Variants in CTNNA2 observed in about 807,000 individuals in gnomAD.
CTNNA2 encodes the protein catenin alpha-2.
Under a neutral mutation model 101.0 loss-of-function variants are expected in CTNNA2, and 42 were observed. That is an observed-to-expected ratio of 0.42 (90% CI 0.32 to 0.54). The LOEUF (loss-of-function observed/expected upper bound fraction) is 0.54. CTNNA2 is among the 20% of genes least tolerant of loss of function. CTNNA2 has a pLI of 0.14. For missense variants in CTNNA2, 871 were observed against 1,223.1 expected (o/e 0.71, Z 4.29); for synonymous variants, 450 against 456.4 (o/e 0.99, Z 0.18).
chr2:79,431,468 T>C (rs1678658479), intron 4 of CTNNA2, among the ~76,000 whole-genome samples: 1 of 152,112 alleles, frequency 6.6e-6, no homozygotes, highest in Admixed American at 6.6e-5. Flanking sequence ...CACTTTTGAA[T>C]ACAAAATTGC....
chr2:79,318,135 T>C (rs1676539181), intron 3 of CTNNA2, among the ~76,000 whole-genome samples: 1 of 152,118 alleles, frequency 6.6e-6, no homozygotes, highest in South Asian at 2.1e-4. Flanking sequence ...ATATAAATAC[T>C]TCGATTGTAT....
intron 7 of CTNNA2, among the ~76,000 whole-genome samples, chr2:79,962,341 G>A (rs1290278703): frequency 6.6e-6 from 1 of 152,230 alleles, no homozygotes; most frequent in Non-Finnish European, 1.5e-5. Flanking sequence ...GCCTCTTTTA[G>A]GAGGGCATCT....
In CTNNA2 at chr2:79,927,816, T is replaced by G. The variant is rs553943413; in HGVS notation, c.1056+18019T>G. Among the ~76,000 whole-genome samples, 12 of 152,270 alleles carry G rather than the reference T, an allele frequency of 7.9e-5. No homozygotes were observed. In the South Asian group the frequency reaches 2.5e-3, roughly 32 times the overall value. ...ATCATTATGCTATCAAAACTCATAG[T>G]ATGAAGCATGTTGCAGTTCTGCTGA... On this transcript the variant is annotated intron_variant, in intron 7 of 18. Coordinates refer to ENST00000402739, the MANE Select transcript of CTNNA2 (RefSeq NM_001282597.3).
At chr2:80,216,497 C>G (rs190494211) in intron 7 of CTNNA2, among the ~76,000 whole-genome samples, 5 of 152,248 alleles carry the variant, frequency 3.3e-5, no homozygotes, top group Admixed American at 6.5e-5. Context: ...GAGGTGACGC[C>G]TTTGGGAGTT....
At chr2:80,432,156 A>G (rs1405552405) in intron 9 of CTNNA2, among the ~76,000 whole-genome samples, 1 of 152,132 alleles carries the variant, frequency 6.6e-6, no homozygotes, top group African/African-American at 2.4e-5. Context: ...CTTACAGTAC[A>G]CCAGGCCCTT....
At chr2:80,301,404 A>G (rs762252779) in intron 7 of CTNNA2, among the ~76,000 whole-genome samples, 12 of 152,244 alleles carry the variant, frequency 7.9e-5, no homozygotes, top group African/African-American at 1.2e-4. Flanking sequence ...TCAAAGACTC[A>G]GGAGAATTAA....
intron 3 of CTNNA2, among the ~76,000 whole-genome samples, chr2:79,811,666 C>G (rs1467442345): frequency 6.6e-6 from 1 of 152,038 alleles, no homozygotes; most frequent in Non-Finnish European, 1.5e-5. Context: ...TGCCTTCTAA[C>G]TTTGTTCTTT....
chr2:80,448,038 C>A (rs1683210179), intron 9 of CTNNA2, among the ~76,000 whole-genome samples: 2 of 152,232 alleles, frequency 1.3e-5, no homozygotes, highest in Admixed American at 1.3e-4. Context: ...AAATCAGAGC[C>A]TTTATTACTG....
chr2:80,306,699 G>A (rs1677058050), intron 7 of CTNNA2, among the ~76,000 whole-genome samples: 1 of 152,018 alleles, frequency 6.6e-6, no homozygotes, highest in African/African-American at 2.4e-5. Context: ...TTGGGAGGTG[G>A]GGGAGGGGTG....
chr2:79,315,957 G>A (rs1259485162), intron 3 of CTNNA2, among the ~76,000 whole-genome samples: 1 of 152,104 alleles, frequency 6.6e-6, no homozygotes, highest in African/African-American at 2.4e-5. Flanking sequence ...TATTTTCACT[G>A]ATGATGTCTT....
At chr2:79,417,206 G>A (rs1558662278) in intron 4 of CTNNA2, among the ~76,000 whole-genome samples, 1 of 151,970 alleles carries the variant, frequency 6.6e-6, no homozygotes, top group African/African-American at 2.4e-5. Flanking sequence ...TGGTGTTTAG[G>A]GAAGATTAGA....
chr2:79,971,308 T>A (rs1279564222), intron 7 of CTNNA2, among the ~76,000 whole-genome samples: 1 of 152,200 alleles, frequency 6.6e-6, no homozygotes, highest in East Asian at 1.9e-4. Flanking sequence ...AAGACACGCA[T>A]ATAACATATT....
intron 3 of CTNNA2, among the ~76,000 whole-genome samples, chr2:79,814,024 G>A (rs7574274): frequency 0.3 from 45,119 of 151,708 alleles, 8,271 homozygotes; most frequent in African/African-American, 0.52. Flanking sequence ...TCCAATCTCT[G>A]CCTTTGTTGT....
chr2:80,057,204 A>G (rs1193910490), intron 7 of CTNNA2, among the ~76,000 whole-genome samples: 1 of 150,466 alleles, frequency 6.6e-6, no homozygotes, highest in Non-Finnish European at 1.5e-5. Context: ...GAAGACTGAG[A>G]CATAACTCTG....
chr2:79,780,544 A>G (rs1290214802), intron 3 of CTNNA2, among the ~76,000 whole-genome samples: 1 of 152,190 alleles, frequency 6.6e-6, no homozygotes, highest in Non-Finnish European at 1.5e-5. Context: ...GAGAAACACA[A>G]CACACACTCA....
chr2:79,732,369 C>T (rs1249229998), intron 2 of CTNNA2, among the ~76,000 whole-genome samples: 1 of 151,874 alleles, frequency 6.6e-6, no homozygotes, highest in Non-Finnish European at 1.5e-5. Flanking sequence ...GGAATTTGTT[C>T]CTAGCAATTC....
At chr2:80,223,839 A>G (rs923445855) in intron 7 of CTNNA2, among the ~76,000 whole-genome samples, 1 of 152,354 alleles carries the variant, frequency 6.6e-6, no homozygotes, top group African/African-American at 2.4e-5. Flanking sequence ...AATCTTAAAA[A>G]GAGGTATTAT....
chr2:80,480,221 A>T (rs1446161014), intron 9 of CTNNA2, among the ~76,000 whole-genome samples: 1 of 152,134 alleles, frequency 6.6e-6, no homozygotes, highest in Non-Finnish European at 1.5e-5. Flanking sequence ...GCATTTTCCT[A>T]CATGGAATTG....
At chr2:80,349,442 A>G (rs1433195280) in intron 7 of CTNNA2, among the ~76,000 whole-genome samples, 5 of 152,126 alleles carry the variant, frequency 3.3e-5, no homozygotes. Context: ...ACCCTAGGAA[A>G]GCCAAAAAGG....
Sources: gnomAD v4.1 joint callset for allele counts (sites outside exome capture counted in the v4.1 genomes callset) on GRCh38, gnomAD v4.1.1 for gene constraint, MANE v1.5 for transcripts, NCBI Gene and HGNC (gene_info 2026-07-23, HGNC 2026-07-21) for gene names.